EPHA6: variants seen among roughly 807,000 people sequenced by gnomAD.
The protein encoded by EPHA6 is ephrin type-A receptor 6.
EPHA6 carries 50 observed loss-of-function variants against 112.0 expected under a neutral mutation model. The ratio of observed to expected loss-of-function variants is 0.45; its 90% CI spans 0.36 to 0.56. EPHA6 has a LOEUF of 0.56. EPHA6 is among the 20% of genes least tolerant of loss of function. The probability of loss-of-function intolerance (pLI) is 0.00; values close to 1 mark genes in which losing one functional copy is unlikely to be tolerated. For synonymous variants in EPHA6, 529 were observed against 490.7 expected (o/e 1.08, Z -1.03); for missense variants, 1,280 against 1,417.4 (o/e 0.90, Z 1.56).
intron 6 of EPHA6, among the ~76,000 whole-genome samples, chr3:97,444,895 C>T (rs1428705527): frequency 6.6e-6 from 1 of 151,956 alleles, no homozygotes; most frequent in East Asian, 1.9e-4. Flanking sequence ...TTCAGTGTGA[C>T]AGTATGATTC....
At position 97,648,241 on chromosome 3, in the gene EPHA6, T is replaced by C. The variant is rs775762937; in HGVS notation, c.2784+10159T>C. On this transcript the variant is annotated intron_variant, in intron 14 of 17. Coordinates refer to ENST00000389672, the MANE Select transcript of EPHA6 (RefSeq NM_001080448.3). ...ATTGACAATATATAATCTGCATAAT[T>C]ACAGTTCTGTTAACATCTTAATTCT... 2.0e-5 allele frequency: 16 copies of C among 791,064 alleles called. No homozygotes were observed. In the Admixed American group the frequency reaches 2.0e-4, roughly 10 times the overall value. 49.0% of individuals were successfully genotyped at this position (791,064 alleles called of 1,614,324 possible).
At chr3:97,273,911 C>T (rs55895458) in intron 5 of EPHA6, among the ~76,000 whole-genome samples, 3,779 of 152,184 alleles carry the variant, frequency 0.025, 164 homozygotes, top group African/African-American at 0.08. Flanking sequence ...TTTTCTGACT[C>T]GGGGCATGTG....
At chr3:97,551,045 A>G (rs2093022237) in intron 11 of EPHA6, among the ~76,000 whole-genome samples, 1 of 152,220 alleles carries the variant, frequency 6.6e-6, no homozygotes, top group Non-Finnish European at 1.5e-5. Context: ...GTGCTTCTCT[A>G]TACTTTTGCA....
chr3:97,637,846 A>G (rs767971313), intron 13 of EPHA6, 27 bp from the exon 14 acceptor site: 2 of 1,576,042 alleles, frequency 1.3e-6, no homozygotes, highest in Non-Finnish European at 1.7e-6. Context: ...AAATAAATCA[A>G]TTTACACAAT....
intron 2 of EPHA6, among the ~76,000 whole-genome samples, chr3:96,984,913 G>T (rs1435070906): frequency 6.6e-6 from 1 of 152,204 alleles, no homozygotes; most frequent in Non-Finnish European, 1.5e-5. Flanking sequence ...ACAGTATTAG[G>T]GTGGGAGTGA....
At chr3:97,675,801 C>G (rs1293540148) in intron 14 of EPHA6, among the ~76,000 whole-genome samples, 1 of 151,966 alleles carries the variant, frequency 6.6e-6, no homozygotes, top group Non-Finnish European at 1.5e-5. Flanking sequence ...AGCCTGTAGT[C>G]TTTTAAAAAG....
intron 11 of EPHA6, among the ~76,000 whole-genome samples, chr3:97,563,998 T>C (rs2093226727): frequency 6.6e-6 from 1 of 152,084 alleles, no homozygotes; most frequent in South Asian, 2.1e-4. Context: ...ATTCAGAAGA[T>C]GGAGGCTAAT....
intron 3 of EPHA6, among the ~76,000 whole-genome samples, chr3:97,017,259 G>A (rs374374456): frequency 6.6e-6 from 1 of 152,188 alleles, no homozygotes; most frequent in African/African-American, 2.4e-5. Context: ...TTCCCTGGAA[G>A]TGGCTGTGTG....
chr3:97,135,796 A>G, intron 3 of EPHA6, among the ~76,000 whole-genome samples: 1 of 151,852 alleles, frequency 6.6e-6, no homozygotes, highest in East Asian at 1.9e-4. Context: ...AAGTAAGTAA[A>G]CTAAGTAGAC....
intron 4 of EPHA6, among the ~76,000 whole-genome samples, chr3:97,231,305 C>A (rs895352686): frequency 1.3e-5 from 2 of 152,088 alleles, no homozygotes; most frequent in Non-Finnish European, 2.9e-5. Flanking sequence ...TTTTTAAGAG[C>A]TTACTTACTT....
At chr3:96,845,301 A>G (rs1281027689) in intron 1 of EPHA6, among the ~76,000 whole-genome samples, 1 of 151,952 alleles carries the variant, frequency 6.6e-6, no homozygotes, top group Non-Finnish European at 1.5e-5. Context: ...CTTAAAGGAG[A>G]CTTATTTATT....
intron 3 of EPHA6, among the ~76,000 whole-genome samples, chr3:97,083,087 C>G (rs1363733663): frequency 6.6e-6 from 1 of 151,970 alleles, no homozygotes; most frequent in Admixed American, 6.6e-5. Flanking sequence ...GTAACCCCAG[C>G]TAATTTGCCG....
At chr3:97,125,958 G>A (rs570601619) in intron 3 of EPHA6, among the ~76,000 whole-genome samples, 3 of 152,118 alleles carry the variant, frequency 2.0e-5, no homozygotes, top group Non-Finnish European at 2.9e-5. Flanking sequence ...TTCGATCAGA[G>A]GCACACATCC....
chr3:97,539,035 C>CTTTT (rs2092806184), intron 11 of EPHA6, among the ~76,000 whole-genome samples: 1 of 138,658 alleles, frequency 7.2e-6, no homozygotes, highest in Non-Finnish European at 1.6e-5. Context: ...TTCTTTCTTT[C>CTTTT]TTGCTTTCTT....
At chr3:97,474,624 C>T (rs1452370594) in intron 7 of EPHA6, among the ~76,000 whole-genome samples, 1 of 151,720 alleles carries the variant, frequency 6.6e-6, no homozygotes, top group Non-Finnish European at 1.5e-5. Flanking sequence ...ATTAGAAGTG[C>T]TAATAAATTA....
intron 12 of EPHA6, among the ~76,000 whole-genome samples, chr3:97,593,645 C>A (rs969953597): frequency 1.3e-5 from 2 of 152,148 alleles, no homozygotes; most frequent in East Asian, 3.8e-4. Context: ...CCAATAAAAA[C>A]AAAAATCCCA....
At chr3:97,476,531 T>C (rs928793824) in intron 8 of EPHA6, among the ~76,000 whole-genome samples, 1 of 152,108 alleles carries the variant, frequency 6.6e-6, no homozygotes, top group African/African-American at 2.4e-5. Context: ...GGGACCAACA[T>C]TTTATTAAAA....
intron 9 of EPHA6, among the ~76,000 whole-genome samples, chr3:97,480,713 G>A (rs1577529197): frequency 6.6e-6 from 1 of 152,048 alleles, no homozygotes; most frequent in Non-Finnish European, 1.5e-5. Context: ...AACCGCCATC[G>A]TCATCATGGC....
chr3:97,684,926 C>A (rs2032136082), intron 14 of EPHA6, among the ~76,000 whole-genome samples: 1 of 152,108 alleles, frequency 6.6e-6, no homozygotes. Context: ...TTTAAAAACC[C>A]CATACCTTTG....
Sources: gnomAD v4.1 joint callset for allele counts (sites outside exome capture counted in the v4.1 genomes callset) on GRCh38, gnomAD v4.1.1 for gene constraint, MANE v1.5 for transcripts, NCBI Gene and HGNC (gene_info 2026-07-23, HGNC 2026-07-21) for gene names.